MGMT: variants seen among roughly 807,000 people sequenced by gnomAD.
The protein encoded by MGMT is methylated-DNA--protein-cysteine methyltransferase.
MGMT carries 14 observed loss-of-function variants against 15.9 expected under a neutral mutation model. That is an observed-to-expected ratio of 0.88 (90% CI 0.58 to 1.37). The LOEUF is 1.37. Ranked by LOEUF, MGMT falls within the 40% of genes most tolerant of loss-of-function variation. MGMT has a pLI of 0.00. For missense variants in MGMT, 282 were observed against 268.1 expected, an observed-to-expected ratio of 1.05 and a Z score of -0.36; for synonymous variants, 130 against 118.2, an observed-to-expected ratio of 1.10 and a Z score of -0.65.
At chr10:129,686,964 C>T (rs1847911250) in intron 2 of MGMT, among the ~76,000 whole-genome samples, 1 of 152,058 alleles carries the variant, frequency 6.6e-6, no homozygotes, top group African/African-American at 2.4e-5. Context: ...AGCCTGTCCT[C>T]AGGATGCAGC....
intron 3 of MGMT, among the ~76,000 whole-genome samples, chr10:129,727,169 A>T (rs563772573): frequency 6.6e-6 from 1 of 152,296 alleles, no homozygotes; most frequent in East Asian, 1.9e-4. Context: ...TCCTTCTCGG[A>T]TGGAGTCAGG....
intron 2 of MGMT, among the ~76,000 whole-genome samples, chr10:129,575,899 A>G (rs1286949835): frequency 1.3e-5 from 2 of 152,188 alleles, no homozygotes; most frequent in Non-Finnish European, 2.9e-5. Context: ...AGAGAATACT[A>G]TAAACACCTC....
At chr10:129,679,128 G>A (rs967047743) in intron 2 of MGMT, among the ~76,000 whole-genome samples, 1 of 151,912 alleles carries the variant, frequency 6.6e-6, no homozygotes, top group Non-Finnish European at 1.5e-5. Context: ...TTAGTCATAG[G>A]ATTACAAGAT....
At chr10:129,539,028 C>T (rs1266868928) in intron 2 of MGMT, among the ~76,000 whole-genome samples, 1 of 152,170 alleles carries the variant, frequency 6.6e-6, no homozygotes, top group Non-Finnish European at 1.5e-5. Context: ...TGTCAGATGT[C>T]TGTATTGTGA....
Position 129,769,038 on chromosome 10 carries a change from C to G in MGMT, c.*2041C>G, listed in dbSNP as rs1848971350. Reference sequence around the variant, plus strand: ...GCCGAGCCCCCAGAATCCAGGTCAGCTCCTGGTGGCAGGGGACCTGCCCGT... The same window carrying G: ...GCCGAGCCCCCAGAATCCAGGTCAGGTCCTGGTGGCAGGGGACCTGCCCGT... On this transcript the variant is annotated 3_prime_UTR_variant, in exon 5 of 5. Transcript: ENST00000651593. 6.6e-6 allele frequency: 1 copy of G among 152,596 alleles called. No homozygotes were observed. Among genetic ancestry groups the G allele is most frequent in the African/African-American group, 2.4e-5 (1 of 41,472 alleles). 9.5% of individuals were successfully genotyped at this position (152,596 alleles called of 1,614,324 possible).
At chr10:129,672,025 C>A (rs895526559) in intron 2 of MGMT, among the ~76,000 whole-genome samples, 1 of 152,190 alleles carries the variant, frequency 6.6e-6, no homozygotes, top group African/African-American at 2.4e-5. Context: ...TTAAGAAATG[C>A]ACATCTACAT....
rs1846479831 is a variant in MGMT, at chr10:129,576,132, C to G, written c.125+39755C>G. Among the ~76,000 whole-genome samples, 3 of 152,198 alleles carry G rather than the reference C, an allele frequency of 2.0e-5. No homozygotes were observed. The South Asian group carries it at 6.2e-4, about 32-fold the overall frequency. ...TAAGGAAGAGCTGGTACCATTCCTT[C>G]TGAAACTATTCCAATCAATAGACAA... On this transcript the variant is annotated intron_variant, in intron 2 of 4. Transcript: ENST00000651593.
intron 1 of MGMT, among the ~76,000 whole-genome samples, chr10:129,480,123 TCTC>T (rs1344945155): frequency 6.6e-6 from 1 of 152,210 alleles, no homozygotes; most frequent in East Asian, 1.9e-4. Flanking sequence ...ACAGCTAGCT[TCTC>T]CTGCTTCATT....
Position 129,500,770 on chromosome 10 carries a change from T to G in MGMT, c.-13+33474T>G, listed in dbSNP as rs1845567053. On this transcript the variant is annotated intron_variant, in intron 1 of 4. Coordinates refer to ENST00000651593, the MANE Select transcript of MGMT (RefSeq NM_002412.5). Reference sequence around the variant, plus strand: ...TTCACCATGTTGCCCAGACTGGTCTTAAACTTCTGAGCTCAAACTATCCGC... The same window carrying G: ...TTCACCATGTTGCCCAGACTGGTCTGAAACTTCTGAGCTCAAACTATCCGC... 3.9e-5 allele frequency among the ~76,000 whole-genome samples: 6 copies of G among 152,222 alleles called. No individual in the cohort carries two copies. The South Asian group carries it at 1.2e-3, about 32-fold the overall frequency.
intron 2 of MGMT, 110 bp downstream of exon 2, chr10:129,536,487 C>T (rs1589855414): frequency 7.3e-7 from 1 of 1,364,260 alleles, no homozygotes; most frequent in South Asian, 1.5e-5. Context: ...ATAGCCTTAC[C>T]CCCACAACCG....
intron 2 of MGMT, among the ~76,000 whole-genome samples, chr10:129,540,605 T>A (rs1244225653): frequency 1.3e-5 from 2 of 152,238 alleles, no homozygotes; most frequent in East Asian, 3.8e-4. Flanking sequence ...TTAAATTTGG[T>A]AGAATAAATT....
At chr10:129,652,842 A>G (rs968910141) in intron 2 of MGMT, among the ~76,000 whole-genome samples, 7 of 152,200 alleles carry the variant, frequency 4.6e-5, no homozygotes, top group African/African-American at 1.7e-4. Flanking sequence ...CCGTGCACCC[A>G]TGCAGCTGTG....
intron 2 of MGMT, among the ~76,000 whole-genome samples, chr10:129,563,114 G>C (rs952108278): frequency 2.5e-4 from 38 of 152,280 alleles, no homozygotes; most frequent in African/African-American, 9.1e-4. Context: ...AGGCAGGCTG[G>C]GTGGAACCAT....
intron 2 of MGMT, among the ~76,000 whole-genome samples, chr10:129,706,379 C>T (rs1036129705): frequency 6.6e-6 from 1 of 152,194 alleles, no homozygotes; most frequent in Non-Finnish European, 1.5e-5. Flanking sequence ...CCTCCCAGAG[C>T]AGCATGGGTG....
intron 2 of MGMT, among the ~76,000 whole-genome samples, chr10:129,563,110 G>A (rs1229489758): frequency 6.6e-6 from 1 of 152,196 alleles, no homozygotes; most frequent in Non-Finnish European, 1.5e-5. Context: ...TTTAAGGCAG[G>A]CTGGGTGGAA....
At chr10:129,736,966 G>A (rs1425311082) in intron 3 of MGMT, among the ~76,000 whole-genome samples, 3 of 152,182 alleles carry the variant, frequency 2.0e-5, no homozygotes, top group Non-Finnish European at 4.4e-5. Flanking sequence ...AGGGTAACCC[G>A]ACCTTTCTCT....
At chr10:129,644,282 G>T (rs1259125445) in intron 2 of MGMT, among the ~76,000 whole-genome samples, 2 of 152,196 alleles carry the variant, frequency 1.3e-5, no homozygotes, top group African/African-American at 4.8e-5. Context: ...GTACATTGAA[G>T]TACATTGAGT....
chr10:129,583,690 C>T (rs1321828116), intron 2 of MGMT, among the ~76,000 whole-genome samples: 1 of 152,212 alleles, frequency 6.6e-6, no homozygotes, highest in Non-Finnish European at 1.5e-5. Context: ...GGACCGTTTA[C>T]ATTTCCTCTG....
intron 4 of MGMT, among the ~76,000 whole-genome samples, chr10:129,761,044 C>T (rs1373019890): frequency 3.9e-5 from 6 of 152,188 alleles, no homozygotes; most frequent in Non-Finnish European, 8.8e-5. Flanking sequence ...ACTTAACCTA[C>T]ATGCCCCTCT....
Sources: gnomAD v4.1 joint callset for allele counts (sites outside exome capture counted in the v4.1 genomes callset) on GRCh38, gnomAD v4.1.1 for gene constraint, MANE v1.5 for transcripts, NCBI Gene and HGNC (gene_info 2026-07-23, HGNC 2026-07-21) for gene names.